Variants in FMNL2 observed in about 807,000 individuals in gnomAD.
FMNL2 encodes formin like 2.
A neutral mutation model predicts 130.2 loss-of-function variants in FMNL2; 51 were observed. That is an observed-to-expected ratio of 0.39 (90% CI 0.31 to 0.49). FMNL2 has a LOEUF of 0.49. FMNL2 is among the 20% of genes least tolerant of loss of function. FMNL2 has a pLI of 0.85. For missense variants in FMNL2, 977 were observed against 1,316.2 expected, an observed-to-expected ratio of 0.74 and a Z score of 3.99; for synonymous variants, 465 against 467.1, an observed-to-expected ratio of 1.00 and a Z score of 0.06.
chr2:152,619,418 T>G, intron 14 of FMNL2, 91 bp from the exon 15 acceptor site: 2 of 1,526,776 alleles, frequency 1.3e-6, no homozygotes, highest in Non-Finnish European at 1.8e-6. Context: ...TTAAGTGTGT[T>G]GTTTTCAGAT....
intron 20 of FMNL2, among the ~76,000 whole-genome samples, chr2:152,631,783 A>G (rs34069841): frequency 0.023 from 3,574 of 152,256 alleles, 50 homozygotes; most frequent in Middle Eastern, 0.078. Flanking sequence ...AGTCATCCCT[A>G]TAGTTAAGCA....
chr2:152,491,833 C>A (rs1235014486), intron 1 of FMNL2, among the ~76,000 whole-genome samples: 1 of 152,176 alleles, frequency 6.6e-6, no homozygotes, highest in East Asian at 1.9e-4. Context: ...CACCTGGAAT[C>A]CCAGCTACTC....
chr2:152,621,119 A>G, intron 15 of FMNL2: 1 of 985,446 alleles, frequency 1.0e-6, no homozygotes, highest in Non-Finnish European at 1.2e-6. Context: ...GAAACCCATT[A>G]TCGTCCCGTG....
chr2:152,453,281 T>C (rs1199457539), intron 1 of FMNL2, among the ~76,000 whole-genome samples: 1 of 152,170 alleles, frequency 6.6e-6, no homozygotes, highest in Non-Finnish European at 1.5e-5. Flanking sequence ...GAGTGGATTC[T>C]GGGCCCTGAC....
In FMNL2 at chr2:152,348,439, C is replaced by T. The variant is rs145900408; in HGVS notation, c.117+12719C>T. Among the ~76,000 whole-genome samples, 13 of 152,266 alleles carry T rather than the reference C, an allele frequency of 8.5e-5. No homozygotes were observed. In the South Asian group the frequency reaches 2.1e-3, roughly 24 times the overall value. On this transcript the variant is annotated intron_variant, in intron 1 of 25. Transcript: ENST00000288670. Reference sequence around the variant, plus strand: ...AATGATTGCTGACTTGATAAGGGAACGGTGCCCACTGAAAGAGGACTGGGA... The same window carrying T: ...AATGATTGCTGACTTGATAAGGGAATGGTGCCCACTGAAAGAGGACTGGGA...
chr2:152,434,625 C>T (rs1170361584), intron 1 of FMNL2, among the ~76,000 whole-genome samples: 2 of 151,986 alleles, frequency 1.3e-5, no homozygotes, highest in African/African-American at 4.8e-5. Flanking sequence ...TCCCCCCATG[C>T]AGAAGGGCCC....
At chr2:152,589,916 T>C (rs1697292105) in intron 9 of FMNL2, among the ~76,000 whole-genome samples, 1 of 142,082 alleles carries the variant, frequency 7.0e-6, no homozygotes, top group African/African-American at 2.6e-5. Flanking sequence ...ACTACAGGCA[T>C]GTACCACCAC....
intron 2 of FMNL2, among the ~76,000 whole-genome samples, chr2:152,541,013 C>G (rs1694283174): frequency 6.6e-6 from 1 of 151,990 alleles, no homozygotes; most frequent in African/African-American, 2.4e-5. Context: ...CACATGCTGG[C>G]CAATTGTCAG....
At chr2:152,437,479 C>T (rs183251143) in intron 1 of FMNL2, among the ~76,000 whole-genome samples, 10 of 152,280 alleles carry the variant, frequency 6.6e-5, no homozygotes, top group African/African-American at 1.9e-4. Flanking sequence ...ACCCCCCCTG[C>T]GGTGAAAAAG....
At chr2:152,512,453 A>G (rs546669918) in intron 1 of FMNL2, among the ~76,000 whole-genome samples, 1 of 152,302 alleles carries the variant, frequency 6.6e-6, no homozygotes, top group South Asian at 2.1e-4. Flanking sequence ...GGGCTGCGGG[A>G]GAGCTTGTCC....
At chr2:152,577,614 A>C (rs1244276735) in intron 7 of FMNL2, among the ~76,000 whole-genome samples, 1 of 152,182 alleles carries the variant, frequency 6.6e-6, no homozygotes, top group African/African-American at 2.4e-5. Context: ...CTGGCTAGAG[A>C]GCCTGAAAAA....
intron 1 of FMNL2, among the ~76,000 whole-genome samples, chr2:152,452,428 A>T (rs16831141): frequency 6.6e-6 from 1 of 152,184 alleles, no homozygotes. Flanking sequence ...AAGTCTAGTC[A>T]GGGTTGTCAC....
Position 152,391,910 on chromosome 2 carries a change from T to TG in FMNL2, c.117+56190_117+56191insG, listed in dbSNP as rs751214229. 1.9e-4 allele frequency among the ~76,000 whole-genome samples: 16 copies of TG among 86,256 alleles called. 1 individual carries two copies. The highest frequency in any genetic ancestry group is 3.5e-4 in the South Asian group (1 of 2,862). 56.6% of individuals were successfully genotyped at this position (86,256 alleles called of 152,430 possible). On this transcript the variant is annotated intron_variant, in intron 1 of 25. Transcript: ENST00000288670. ...CAGAAGACTGGGAGCTAGAAGTTGT[T>TG]TTTTTTTTTTTTTTTTCAAACCCAT...
intron 1 of FMNL2, among the ~76,000 whole-genome samples, chr2:152,339,587 C>A (rs973638668): frequency 6.6e-6 from 1 of 152,186 alleles, no homozygotes; most frequent in African/African-American, 2.4e-5. Flanking sequence ...TGTGTCTTAG[C>A]TGCTGTATCT....
rs148195572 is a variant in FMNL2 at position 152,562,167 on chromosome 2, G to A, written c.596+1132G>A. Among the ~76,000 whole-genome samples the A allele has an allele frequency of 3.0e-4, 46 of 152,302 alleles. 2 individuals are homozygous for A. The East Asian group carries it at 8.5e-3, about 28-fold the overall frequency. On this transcript the variant is annotated intron_variant, in intron 6 of 25. Coordinates refer to ENST00000288670, the MANE Select transcript of FMNL2 (RefSeq NM_052905.4). The stretch of plus-strand genomic sequence containing the variant: ...CTAGAACAAGTTTGTAACGGTTTCT[G>A]TGGTTCATGATTTTAACATAAAATT...
chr2:152,644,355 C>G (rs138235478), intron 25 of FMNL2, among the ~76,000 whole-genome samples: 1,643 of 152,272 alleles, frequency 0.011, 24 homozygotes, highest in African/African-American at 0.038. Flanking sequence ...CTCAGGAATG[C>G]GAAGTGCTCT....
intron 1 of FMNL2, among the ~76,000 whole-genome samples, chr2:152,412,626 G>A (rs73012784): frequency 0.13 from 19,706 of 147,426 alleles, 1,403 homozygotes; most frequent in Middle Eastern, 0.27. Flanking sequence ...GGGCAACATA[G>A]CAAGACCCCA....
At position 152,626,627 on chromosome 2, in the gene FMNL2, A is replaced by G. The variant is rs1483801379; in HGVS notation, c.2065A>G (p.Asn689Asp). The change falls in exon 17 of 26, where the codon AAC (asparagine) becomes GAC (aspartate). Residue 689 changes from asparagine (N) to aspartate (D), a missense_variant. Physicochemically the swap from Asn to Asp is conservative, Grantham distance 23. Around this residue, in one of 4 missense-constraint regions of FMNL2, gnomAD observed 689 missense variants for 995.9 expected, o/e 0.69. Transcript: ENST00000288670. Reference sequence around the variant, plus strand: ...ACAGAAGATACCACAGAAGGGATCAAACAAAGTGACATTACTAGAAGCAAA... The same window carrying G: ...ACAGAAGATACCACAGAAGGGATCAGACAAAGTGACATTACTAGAAGCAAA... ...SKQKIPQKGS[N>D]KVTLLEANRA... 1.2e-6 allele frequency: 2 copies of G among 1,613,300 alleles called. No individual in the cohort carries two copies. The highest frequency in any genetic ancestry group is 1.3e-5 in the African/African-American group (1 of 75,064).
At chr2:152,513,265 A>G (rs1016638761) in intron 1 of FMNL2, among the ~76,000 whole-genome samples, 1 of 152,138 alleles carries the variant, frequency 6.6e-6, no homozygotes, top group Non-Finnish European at 1.5e-5. Flanking sequence ...TAATATATCC[A>G]TCATCTCTCA....
Sources: gnomAD v4.1 joint callset for allele counts (sites outside exome capture counted in the v4.1 genomes callset) on GRCh38, gnomAD v4.1.1 for gene constraint, gnomAD v4.1.1 regional missense constraint, MANE v1.5 for transcripts, NCBI Gene and HGNC (gene_info 2026-07-23, HGNC 2026-07-21) for gene names.